MAST4: variants seen among roughly 807,000 people sequenced by gnomAD.
MAST4 encodes microtubule associated serine/threonine kinase family member 4, also known as microtubule-associated serine/threonine-protein kinase 4.
Under a neutral mutation model 162.7 loss-of-function variants are expected in MAST4, and 89 were observed. That is an observed-to-expected ratio of 0.55 (90% CI 0.46 to 0.65). The LOEUF (loss-of-function observed/expected upper bound fraction) is 0.65. Ranked by LOEUF, MAST4 falls within the 30% of genes least tolerant of loss-of-function variation. The pLI is 0.00. For synonymous variants in MAST4, 1,479 were observed against 1,361.1 expected (o/e 1.09, Z -1.91); for missense variants, 3,153 against 3,374.0 (o/e 0.93, Z 1.62).
intron 26 of MAST4, among the ~76,000 whole-genome samples, chr5:67,158,063 T>C (rs1413274203): frequency 6.6e-6 from 1 of 152,140 alleles, no homozygotes; most frequent in East Asian, 1.9e-4. Context: ...GGAACATCAG[T>C]GACACAGGAA....
At position 67,153,580 on chromosome 5, in the gene MAST4, G is replaced by GGTATT; in HGVS notation, c.3648+5_3648+9dup. On this transcript the variant is annotated frameshift_variant and splice_region_variant. Transcript: ENST00000403625. LOFTEE classifies it high-confidence loss of function. ...CAGAAGTTATAGAACTCCTACTGAA[G>GGTATT]GTATTGTATGTTTTATGTCAGGGCC... 1 of 1,575,980 alleles carries GGTATT rather than the reference G, an allele frequency of 6.3e-7. No homozygotes were observed. Among genetic ancestry groups the GGTATT allele is most frequent in the Admixed American group, 1.8e-5 (1 of 54,362 alleles).
chr5:66,884,994 A>G (rs1226298225), intron 3 of MAST4, among the ~76,000 whole-genome samples: 3 of 152,178 alleles, frequency 2.0e-5, no homozygotes, highest in African/African-American at 4.8e-5. Context: ...AGCCCTGCAC[A>G]GTCCTGCTTC....
In MAST4 at chr5:66,662,063, A is replaced by G. The variant is rs142924496; in HGVS notation, c.363+65045A>G. 2.5e-4 allele frequency among the ~76,000 whole-genome samples: 38 copies of G among 151,984 alleles called. No homozygotes were observed. In the East Asian group the frequency reaches 5.8e-3, roughly 23 times the overall value. On this transcript the variant is annotated intron_variant, in intron 1 of 28. Coordinates refer to ENST00000403625, the MANE Select transcript of MAST4 (RefSeq NM_001164664.2). ...CTATACTGTGCCCAGTATTCAGTGT[A>G]CTAGTTAATCCCTTTTTTTTTTTAA... is the stretch of plus-strand genomic sequence containing the variant.
chr5:67,062,428 C>T (rs1759742982), intron 5 of MAST4, among the ~76,000 whole-genome samples: 1 of 152,036 alleles, frequency 6.6e-6, no homozygotes, highest in Non-Finnish European at 1.5e-5. Context: ...GAGACATGGC[C>T]CTGAGTGAAA....
chr5:67,110,432 A>G (rs1160077183), intron 11 of MAST4, among the ~76,000 whole-genome samples: 9 of 152,240 alleles, frequency 5.9e-5, no homozygotes. Context: ...ATTCTAGTCA[A>G]ACTTGAAATA....
rs33917245 is a variant in MAST4 at position 67,022,411 on chromosome 5, CA to C, written c.675-31981del. On this transcript the variant is annotated intron_variant, in intron 4 of 28. Coordinates refer to ENST00000403625, the MANE Select transcript of MAST4 (RefSeq NM_001164664.2). ...GTCTTGTGTTCCCTATTTTCTCTAC[CA>C]AAAAAAAAAAATGACAGTAGGGTAT... is the stretch of plus-strand genomic sequence containing the variant. Among the ~76,000 whole-genome samples the C allele has an allele frequency of 3.3e-3, 479 of 143,366 alleles. 1 individual carries two copies. The highest frequency in any genetic ancestry group is 5.3e-3 in the East Asian group (26 of 4,906). 94.1% of individuals were successfully genotyped at this position (143,366 alleles called of 152,430 possible). A position where few individuals can be genotyped will look rare whatever the true frequency, so the allele number is the denominator to read the frequency against.
intron 1 of MAST4, among the ~76,000 whole-genome samples, chr5:66,742,353 G>C (rs540110539): frequency 6.6e-6 from 1 of 152,236 alleles, no homozygotes; most frequent in African/African-American, 2.4e-5. Context: ...GTATTGGTGT[G>C]TTTTGTTTTT....
At chr5:67,033,145 A>C (rs1394796438) in intron 4 of MAST4, among the ~76,000 whole-genome samples, 1 of 151,824 alleles carries the variant, frequency 6.6e-6, no homozygotes, top group African/African-American at 2.4e-5. Flanking sequence ...TTGGCAGTTA[A>C]TTAGTTCTTA....
chr5:66,619,001 T>C (rs1743902317), intron 1 of MAST4, among the ~76,000 whole-genome samples: 1 of 152,218 alleles, frequency 6.6e-6, no homozygotes, highest in Non-Finnish European at 1.5e-5. Flanking sequence ...GGCAACGCAC[T>C]AAATGCTGGC....
At chr5:66,880,821 C>G (rs540054181) in intron 3 of MAST4, among the ~76,000 whole-genome samples, 21 of 152,276 alleles carry the variant, frequency 1.4e-4, no homozygotes, top group African/African-American at 4.8e-4. Flanking sequence ...TAAAAAATAT[C>G]TTTGAAACTC....
intron 4 of MAST4, among the ~76,000 whole-genome samples, chr5:67,004,333 T>G (rs968657296): frequency 6.6e-6 from 1 of 152,096 alleles, no homozygotes. Flanking sequence ...CCCTGCCGCC[T>G]CCTCCCAGCC....
Position 67,166,275 on chromosome 5 carries a change from G to T in MAST4, c.7096G>T (p.Asp2366Tyr), listed in dbSNP as rs377512686. 4 of 1,556,750 alleles carry T rather than the reference G, an allele frequency of 2.6e-6. No individual in the cohort carries two copies. Among genetic ancestry groups the T allele is most frequent in the Non-Finnish European group, 3.5e-6 (4 of 1,149,756 alleles). ...KSPSQPAANT[D>Y]RRAEGKKCTE... ...CCCGAGTCAGCCGGCCGCCAACACC[G>T]ACAGAAGGGCGGAAGGGAAGAAATG... The change falls in exon 29 of 29, where the codon GAC becomes TAC. Residue 2366 changes from aspartate (D) to tyrosine (Y), a missense_variant. Asp to Tyr is a radical substitution (Grantham distance 160, BLOSUM62 -3). Around this residue, in one of 7 missense-constraint regions of MAST4, gnomAD observed 1,644 missense variants for 1,495.0 expected, o/e 1.10. Coordinates refer to ENST00000403625, the MANE Select transcript of MAST4 (RefSeq NM_001164664.2).
At chr5:66,919,808 T>A (rs1184284163) in intron 4 of MAST4, among the ~76,000 whole-genome samples, 2 of 152,182 alleles carry the variant, frequency 1.3e-5, no homozygotes, top group African/African-American at 4.8e-5. Flanking sequence ...TTTTGGAACA[T>A]AACTGGATGT....
At chr5:67,088,537 AG>A (rs1763505567) in intron 5 of MAST4, among the ~76,000 whole-genome samples, 1 of 152,230 alleles carries the variant, frequency 6.6e-6, no homozygotes, top group Non-Finnish European at 1.5e-5. Context: ...AAGGAATATG[AG>A]GAGAAGTATA....
intron 3 of MAST4, among the ~76,000 whole-genome samples, chr5:66,805,327 T>A (rs1362582821): frequency 6.6e-6 from 1 of 152,254 alleles, no homozygotes; most frequent in Admixed American, 6.5e-5. Context: ...CTTTGATTTG[T>A]CTTCCTGTAT....
chr5:66,964,206 G>A (rs1223349059), intron 4 of MAST4: 1 of 367,448 alleles, frequency 2.7e-6, no homozygotes. Flanking sequence ...TGTCTAAAGT[G>A]TTAATATTTT....
At chr5:66,842,371 T>G (rs1758489050) in intron 3 of MAST4, among the ~76,000 whole-genome samples, 1 of 152,174 alleles carries the variant, frequency 6.6e-6, no homozygotes, top group African/African-American at 2.4e-5. Flanking sequence ...AAACACCTTT[T>G]TACCTTTCTG....
At chr5:66,936,586 TTGAGCCAGGA>T (rs1167291482) in intron 4 of MAST4, among the ~76,000 whole-genome samples, 2 of 152,114 alleles carry the variant, frequency 1.3e-5, no homozygotes, top group Non-Finnish European at 2.9e-5. Flanking sequence ...GGGGGAGCTT[TTGAGCCAGGA>T]TGAGCCAGGA....
chr5:66,868,487 CAAACT>C (rs1760696321), intron 3 of MAST4, among the ~76,000 whole-genome samples: 4 of 133,994 alleles, frequency 3.0e-5, no homozygotes, highest in African/African-American at 1.2e-4. Context: ...ATAACCATCA[CAAACT>C]TTTTTTTTTT....
Sources: gnomAD v4.1 joint callset for allele counts (sites outside exome capture counted in the v4.1 genomes callset) on GRCh38, gnomAD v4.1.1 for gene constraint, gnomAD v4.1.1 regional missense constraint, MANE v1.5 for transcripts, NCBI Gene and HGNC (gene_info 2026-07-23, HGNC 2026-07-21) for gene names.